The following MINDY4B variants were observed in gnomAD, a reference collection of about 807,000 sequenced individuals.
The protein encoded by MINDY4B is inactive ubiquitin carboxyl-terminal hydrolase MINDY-4B.
A neutral mutation model predicts 16.7 loss-of-function variants in MINDY4B; 25 were observed. The observed-to-expected ratio is 1.49, with a 90% CI of 1.09 to 2.09. The LOEUF (loss-of-function observed/expected upper bound fraction) is 2.09, where lower values mean the gene tolerates loss of function less well. Among genes scored for constraint, MINDY4B ranks in the 30% most tolerant of loss-of-function variants. The pLI is 0.00. For synonymous variants in MINDY4B, 132 were observed against 61.9 expected (o/e 2.13, Z -5.32); for missense variants, 327 against 168.4 (o/e 1.94, Z -5.21).
At chr3:150,887,069 G>A (rs974655110) in intron 7 of MINDY4B, among the ~76,000 whole-genome samples, 3 of 152,144 alleles carry the variant, frequency 2.0e-5, no homozygotes, top group Non-Finnish European at 4.4e-5. Flanking sequence ...AATAATAATA[G>A]TGTAGAACAT....
rs1378221269 is a variant in MINDY4B at position 150,883,005 on chromosome 3, G to A, written c.951C>T (p.Gly317=). 1.4e-6 allele frequency: 1 copy of A among 702,496 alleles called. No individual in the cohort carries two copies. The highest frequency in any genetic ancestry group is 1.5e-5 in the South Asian group (1 of 67,584). 43.5% of individuals were successfully genotyped at this position (702,496 alleles called of 1,614,324 possible). The change falls in exon 10 of 12, where the codon GGC becomes GGT. Residue 317 remains glycine, a synonymous_variant. Transcript: ENST00000465419. ...TGRASPNVFN[G]CEEGKSQETL... ...TTTCCTGAGACTTTCCTTCCTCACA[G>A]CCATTGAAGACATTGGGACTTGCTC...
intron 8 of MINDY4B, among the ~76,000 whole-genome samples, chr3:150,884,225 C>T (rs1409246231): frequency 6.6e-6 from 1 of 152,182 alleles, no homozygotes; most frequent in Non-Finnish European, 1.5e-5. Flanking sequence ...AGGGCAGCTT[C>T]CACTGTTATG....
intron 10 of MINDY4B, among the ~76,000 whole-genome samples, chr3:150,880,864 T>C (rs1319682915): frequency 6.6e-6 from 1 of 152,200 alleles, no homozygotes; most frequent in Non-Finnish European, 1.5e-5. Flanking sequence ...GGACACCAAG[T>C]GACCACACGT....
intron 7 of MINDY4B, 93 bp from the exon 8 acceptor site, chr3:150,885,531 G>A: frequency 1.5e-6 from 1 of 672,738 alleles, no homozygotes; most frequent in Non-Finnish European, 2.7e-6. Flanking sequence ...CAGGCTGAGA[G>A]AATTTTTTCC....
At chr3:150,885,046 C>G (rs1164425360) in intron 8 of MINDY4B, among the ~76,000 whole-genome samples, 1 of 152,176 alleles carries the variant, frequency 6.6e-6, no homozygotes, top group Non-Finnish European at 1.5e-5. Flanking sequence ...TATACCTTAT[C>G]ATGGATCTAA....
intron 3 of MINDY4B, among the ~76,000 whole-genome samples, chr3:150,895,925 A>G (rs909220895): frequency 6.6e-6 from 1 of 152,096 alleles, no homozygotes; most frequent in Admixed American, 6.5e-5. Flanking sequence ...GTTTTCCTCT[A>G]TTATTCCCCC....
intron 2 of MINDY4B, among the ~76,000 whole-genome samples, chr3:150,904,038 G>T (rs1712181074): frequency 6.6e-6 from 1 of 152,050 alleles, no homozygotes; most frequent in African/African-American, 2.4e-5. Context: ...CTGTCCTATT[G>T]GTGGCTGAAA....
chr3:150,904,513 A>C (rs767160495), intron 2 of MINDY4B, among the ~76,000 whole-genome samples: 10 of 152,222 alleles, frequency 6.6e-5, no homozygotes, highest in African/African-American at 9.6e-5. Context: ...GTGTTTGCTC[A>C]GTGATTGAAG....
chr3:150,887,320 C>T (rs963030672), intron 7 of MINDY4B, among the ~76,000 whole-genome samples: 1 of 152,202 alleles, frequency 6.6e-6, no homozygotes, highest in African/African-American at 2.4e-5. Flanking sequence ...CTCAGAATAG[C>T]ATGCAATTTA....
intron 2 of MINDY4B, 44 bp from the exon 3 acceptor site, chr3:150,903,460 G>A (rs570973311): frequency 2.5e-6 from 1 of 398,322 alleles, no homozygotes; most frequent in Admixed American, 4.4e-5. Flanking sequence ...AAACAGAGCT[G>A]GTGATGACCT....
intron 10 of MINDY4B, among the ~76,000 whole-genome samples, chr3:150,882,525 G>C (rs1032792499): frequency 1.2e-4 from 18 of 150,948 alleles, no homozygotes; most frequent in African/African-American, 4.4e-4. Flanking sequence ...AGCCGCATGG[G>C]GATGACAGAG....
In MINDY4B at chr3:150,901,625, G is replaced by A. The variant is rs562019414; in HGVS notation, c.309+1624C>T. ...CAACCTCTGCGTCCTGGGTTCAAGCGATTCTCCTGCCTCAGCTTCCTGAGT... is the reference window on the plus strand; with the variant it reads ...CAACCTCTGCGTCCTGGGTTCAAGCAATTCTCCTGCCTCAGCTTCCTGAGT... On this transcript the variant is annotated intron_variant, in intron 3 of 11. Transcript: ENST00000465419. Among the ~76,000 whole-genome samples, 12 of 151,210 alleles carry A rather than the reference G, an allele frequency of 7.9e-5. No individual in the cohort carries two copies. The East Asian group carries it at 1.6e-3, about 20-fold the overall frequency.
intron 11 of MINDY4B, 27 bp downstream of exon 11, chr3:150,873,160 A>G: frequency 1.4e-6 from 1 of 692,730 alleles, no homozygotes; most frequent in Non-Finnish European, 2.6e-6. Flanking sequence ...ATTAAAATCC[A>G]CAACACCTGG....
chr3:150,876,404 C>G (rs147444634), intron 10 of MINDY4B, among the ~76,000 whole-genome samples: 230 of 152,258 alleles, frequency 1.5e-3, no homozygotes, highest in African/African-American at 5.4e-3. Flanking sequence ...GGCTGGTAAT[C>G]TGAACAGGAG....
chr3:150,880,305 CTGTGTGTGTGTGTGTGTGTG>C (rs60659488), intron 10 of MINDY4B, among the ~76,000 whole-genome samples: 2 of 149,778 alleles, frequency 1.3e-5, no homozygotes, highest in Non-Finnish European at 3.0e-5. Context: ...AGGTTCCCAT[CTGTGTGTGTGTGTGTGTGTG>C]TGTGTGTGTG....
intron 3 of MINDY4B, among the ~76,000 whole-genome samples, chr3:150,897,212 G>C (rs879699460): frequency 6.6e-6 from 1 of 152,058 alleles, no homozygotes; most frequent in Non-Finnish European, 1.5e-5. Context: ...ACACCAGCCT[G>C]TTACCTGTAA....
At chr3:150,873,825 A>G (rs1051479113) in intron 10 of MINDY4B, among the ~76,000 whole-genome samples, 3 of 152,012 alleles carry the variant, frequency 2.0e-5, no homozygotes, top group Non-Finnish European at 4.4e-5. Flanking sequence ...ACTATTTAGA[A>G]TATAGAAAAA....
At chr3:150,873,707 A>G (rs1717021666) in intron 10 of MINDY4B, among the ~76,000 whole-genome samples, 1 of 152,220 alleles carries the variant, frequency 6.6e-6, no homozygotes, top group Non-Finnish European at 1.5e-5. Context: ...GTGGTGGAAT[A>G]AGAGAACTCT....
At chr3:150,890,870 G>A in intron 6 of MINDY4B, 68 bp downstream of exon 6, 2 of 680,572 alleles carry the variant, frequency 2.9e-6, no homozygotes, top group South Asian at 3.1e-5. Context: ...GCATACACAT[G>A]GTAAGTCTAT....
Sources: allele counts gnomAD v4.1 joint callset (sites outside exome capture counted in the v4.1 genomes callset), GRCh38; gene constraint gnomAD v4.1.1; transcripts MANE v1.5; gene names NCBI Gene and HGNC (gene_info 2026-07-23, HGNC 2026-07-21).